Variants in TSEN15 observed in about 807,000 individuals in gnomAD.
The protein encoded by TSEN15 is tRNA splicing endonuclease subunit 15, also known as tRNA-splicing endonuclease subunit Sen15.
TSEN15 carries 10 observed loss-of-function variants against 20.5 expected under a neutral mutation model. That is an observed-to-expected ratio of 0.49 (90% CI 0.30 to 0.83). The LOEUF is 0.83. Ranked by LOEUF, TSEN15 falls within the 40% of genes least tolerant of loss-of-function variation. TSEN15 has a pLI of 0.06. For missense variants in TSEN15, 180 were observed against 218.6 expected (o/e 0.82, Z 1.11); for synonymous variants, 72 against 80.1 (o/e 0.90, Z 0.54).
intron 3 of TSEN15, among the ~76,000 whole-genome samples, chr1:184,067,582 A>G (rs1650716201): frequency 6.6e-6 from 1 of 152,130 alleles, no homozygotes; most frequent in South Asian, 2.1e-4. Context: ...ACATAAGAAT[A>G]TACTATAAGC....
intron 1 of TSEN15, among the ~76,000 whole-genome samples, chr1:184,052,505 T>C (rs1650092026): frequency 6.6e-6 from 1 of 152,096 alleles, no homozygotes; most frequent in Non-Finnish European, 1.5e-5. Flanking sequence ...TACTGCCTTG[T>C]ACAAGTACGG....
chr1:184,072,023 A>T (rs946117865), intron 3 of TSEN15, 134 bp from the exon 4 acceptor site: 8 of 787,140 alleles, frequency 1.0e-5, no homozygotes, highest in East Asian at 2.8e-5. Flanking sequence ...GTTATTTTTT[A>T]AAATTATTTT....
intron 3 of TSEN15, among the ~76,000 whole-genome samples, chr1:184,091,089 C>G (rs1183828024): frequency 6.6e-6 from 1 of 152,206 alleles, no homozygotes; most frequent in Non-Finnish European, 1.5e-5. Flanking sequence ...CCTCTAGTCT[C>G]AGTACCACTC....
At position 184,072,959 on chromosome 1, in the gene TSEN15, C is replaced by A; in HGVS notation, c.*112C>A. 2.0e-6 allele frequency: 2 copies of A among 1,005,758 alleles called. No individual in the cohort carries two copies. Among genetic ancestry groups the A allele is most frequent in the South Asian group, 1.5e-5 (1 of 66,168 alleles). The allele number at this position is 1,005,758 out of a possible 1,614,324, so 62.3% of individuals were successfully genotyped here. On this transcript the variant is annotated 3_prime_UTR_variant, in exon 5 of 5. Coordinates refer to ENST00000645668, the MANE Select transcript of TSEN15 (RefSeq NM_052965.4). ...GGTTGACGTACATAGTGAGGGTTGA[C>A]TTCCCCATTCCATAAGGTTTTCATT... is the stretch of plus-strand genomic sequence containing the variant.
chr1:184,077,837 G>A (rs763650130), downstream of TSEN15, among the ~76,000 whole-genome samples: 3 of 152,206 alleles, frequency 2.0e-5, no homozygotes, highest in Non-Finnish European at 4.4e-5. Flanking sequence ...GAGACAACCT[G>A]AACATATGAG....
downstream of TSEN15, among the ~76,000 whole-genome samples, chr1:184,076,970 C>T (rs1196935793): frequency 6.6e-6 from 1 of 152,076 alleles, no homozygotes; most frequent in African/African-American, 2.4e-5. Context: ...TGCAGCAAAT[C>T]CTGATGTAGA....
chr1:184,083,792 T>C (rs1296434130), intron 3 of TSEN15, among the ~76,000 whole-genome samples: 4 of 152,180 alleles, frequency 2.6e-5, no homozygotes, highest in Non-Finnish European at 4.4e-5. Flanking sequence ...TCCCACAAAA[T>C]GAAAGGAGTT....
rs867579022 is a variant in TSEN15, at chr1:184,073,779, C to T, written c.*932C>T. The stretch of plus-strand genomic sequence containing the variant: ...TATTTTAGGTTTTTAAACCTACTGT[C>T]TCTGTCATAACTTGTCAACACTGCT... On this transcript the variant is annotated 3_prime_UTR_variant, in exon 5 of 5. Transcript: ENST00000645668. The T allele has an allele frequency of 6.6e-6, 1 of 152,252 alleles. No homozygotes were observed. Among genetic ancestry groups the T allele is most frequent in the Admixed American group, 6.6e-5 (1 of 15,260 alleles). 9.4% of individuals were successfully genotyped at this position (152,252 alleles called of 1,614,324 possible). A position where few individuals can be genotyped will look rare whatever the true frequency, so the allele number is the denominator to read the frequency against.
intron 3 of TSEN15, among the ~76,000 whole-genome samples, chr1:184,064,460 GGAGT>G (rs1650574184): frequency 1.3e-5 from 2 of 152,160 alleles, no homozygotes; most frequent in South Asian, 2.1e-4. Context: ...GGGTGGAGAA[GGAGT>G]GAGTATGTGT....
At chr1:184,077,640 T>C (rs1651089526), downstream of TSEN15, among the ~76,000 whole-genome samples, 1 of 152,130 alleles carries the variant, frequency 6.6e-6, no homozygotes, top group South Asian at 2.1e-4. Flanking sequence ...CTAGATGCCA[T>C]TAAGAATATT....
chr1:184,092,205 A>T (rs1293120707), intron 3 of TSEN15, among the ~76,000 whole-genome samples: 1 of 152,234 alleles, frequency 6.6e-6, no homozygotes, highest in Admixed American at 6.5e-5. Context: ...CAGAAATTAA[A>T]CAGTCTAGAC....
At chr1:184,090,314 G>A (rs1307508566) in intron 3 of TSEN15, among the ~76,000 whole-genome samples, 5 of 152,276 alleles carry the variant, frequency 3.3e-5, no homozygotes, top group African/African-American at 1.2e-4. Context: ...TGAGGCTTGG[G>A]ATGGAGGGTA....
chr1:184,061,187 C>T (rs1334852271), intron 3 of TSEN15, among the ~76,000 whole-genome samples: 1 of 152,088 alleles, frequency 6.6e-6, no homozygotes, highest in Non-Finnish European at 1.5e-5. Context: ...TTTAAAAATA[C>T]CCTGCCAACT....
intron 3 of TSEN15, chr1:184,095,651 C>T (rs1326964870): frequency 7.6e-6 from 3 of 396,888 alleles, no homozygotes; most frequent in Non-Finnish European, 4.4e-6. Context: ...CTCTCTCTCT[C>T]TCTCTCTCTC....
At chr1:184,072,083 T>C (rs1387755822) in intron 3 of TSEN15, 74 bp from the exon 4 acceptor site, 1 of 1,459,374 alleles carries the variant, frequency 6.9e-7, no homozygotes, top group Non-Finnish European at 9.2e-7. Flanking sequence ...TCAAGTTTTC[T>C]AGTGCTTTCT....
intron 1 of TSEN15, 105 bp downstream of exon 1, chr1:184,051,995 C>A: frequency 2.6e-6 from 3 of 1,167,402 alleles, no homozygotes; most frequent in East Asian, 3.2e-5. Context: ...ACTGAGGACG[C>A]GCGCCACCCT....
intron 3 of TSEN15, chr1:184,070,800 C>T (rs956030640): frequency 5.1e-5 from 26 of 512,982 alleles, no homozygotes; most frequent in Non-Finnish European, 6.9e-5. Context: ...GTAAATCATT[C>T]TTGTGAATAA....
Position 184,062,517 on chromosome 1 carries a change from T to C in TSEN15, c.353+7654T>C, listed in dbSNP as rs183764555. Among the ~76,000 whole-genome samples the C allele has an allele frequency of 1.3e-3, 197 of 152,268 alleles. 1 individual carries two copies. The highest frequency in any genetic ancestry group is 4.5e-3 in the African/African-American group (189 of 41,584). On this transcript the variant is annotated intron_variant, in intron 3 of 4. Coordinates refer to ENST00000645668, the MANE Select transcript of TSEN15 (RefSeq NM_052965.4). Reference sequence around the variant, plus strand: ...AAGTCAAATTTATGTTCAGATAGCCTGATTAGCTTCACTTTGGACCACCTT... The same window carrying C: ...AAGTCAAATTTATGTTCAGATAGCCCGATTAGCTTCACTTTGGACCACCTT...
intron 1 of TSEN15, among the ~76,000 whole-genome samples, chr1:184,052,773 A>C (rs1650102376): frequency 6.6e-6 from 1 of 152,154 alleles, no homozygotes; most frequent in Non-Finnish European, 1.5e-5. Flanking sequence ...AATAGCATGG[A>C]AATATTATTT....
Sources: gnomAD v4.1 joint callset for allele counts (sites outside exome capture counted in the v4.1 genomes callset) on GRCh38, gnomAD v4.1.1 for gene constraint, MANE v1.5 for transcripts, NCBI Gene and HGNC (gene_info 2026-07-23, HGNC 2026-07-21) for gene names.